Variants in STAG3 observed in about 807,000 individuals in gnomAD.
STAG3 encodes the protein STAG3 cohesin complex component, also known as cohesin subunit SA-3.
In STAG3, 101 loss-of-function variants were observed where a neutral mutation model predicts 160.7. That is an observed-to-expected ratio of 0.63 (90% confidence interval 0.54 to 0.74). The LOEUF is 0.74. Among genes scored for constraint, STAG3 ranks in the 30% least tolerant of loss-of-function variants. The pLI is 0.00. For synonymous variants in STAG3, 519 were observed against 585.0 expected, an observed-to-expected ratio of 0.89 and a Z score of 1.63; for missense variants, 1,188 against 1,517.4, an observed-to-expected ratio of 0.78 and a Z score of 3.61.
In STAG3 at chr7:100,200,065, C is replaced by CAAA. The variant is rs59199513; in HGVS notation, c.1678-156_1678-154dup. On this transcript the variant is annotated intron_variant, in intron 16 of 33. Coordinates refer to ENST00000615138, the MANE Select transcript of STAG3 (RefSeq NM_001282717.2). ...TGGGTGACAGAGCGAGACTCCGTCT[C>CAAA]AAAAAAAAAAAAAAAAAGGAGTTTC... 12,583 of 370,614 alleles carry CAAA rather than the reference C, an allele frequency of 0.034. 425 individuals are homozygous for CAAA. The highest frequency in any genetic ancestry group is 0.16 in the African/African-American group (4,992 of 30,944). 23.0% of individuals were successfully genotyped at this position (370,614 alleles called of 1,614,324 possible). A position where few individuals can be genotyped will look rare whatever the true frequency, so the allele number is the denominator to read the frequency against.
At chr7:100,218,464 G>A (rs1272049009), downstream of STAG3, 6 of 229,378 alleles carry the variant, frequency 2.6e-5, no homozygotes, top group Non-Finnish European at 5.2e-5. Flanking sequence ...TGGCACTGCT[G>A]GGCATTGTCT....
chr7:100,212,003 A>G, intron 32 of STAG3, 127 bp downstream of exon 32: 1 of 791,620 alleles, frequency 1.3e-6, no homozygotes, highest in Non-Finnish European at 2.0e-6. Context: ...ATCTAGAGTA[A>G]AGGAGGACAG....
chr7:100,188,852 GGAA>G lies in STAG3; in HGVS notation c.556_558del (p.Lys186del). On this transcript the variant is annotated inframe_deletion, in exon 7 of 34. Coordinates refer to ENST00000615138, the MANE Select transcript of STAG3 (RefSeq NM_001282717.2). ...CCTCTCATAGCTCCAGGTCCATCCTGGAAGAAGTTCCAGGGCAGCTTCTGTGAA... is the reference window on the plus strand; with the variant it reads ...CCTCTCATAGCTCCAGGTCCATCCTGGAAGTTCCAGGGCAGCTTCTGTGAA... 1.2e-6 allele frequency: 2 copies of G among 1,614,108 alleles called. No individual in the cohort carries two copies. Among genetic ancestry groups the G allele is most frequent in the East Asian group, 2.2e-5 (1 of 44,878 alleles).
downstream of STAG3, among the ~76,000 whole-genome samples, chr7:100,217,093 G>A (rs771778142): frequency 6.6e-6 from 1 of 152,152 alleles, no homozygotes; most frequent in Non-Finnish European, 1.5e-5. Flanking sequence ...GTATTCCAAG[G>A]GAATCATGAC....
At chr7:100,181,928 C>T (rs1799671107) in intron 2 of STAG3, among the ~76,000 whole-genome samples, 162 bp from the exon 3 acceptor site, 1 of 149,050 alleles carries the variant, frequency 6.7e-6, no homozygotes, top group Non-Finnish European at 1.5e-5. Flanking sequence ...AAGACTTTGT[C>T]CCAACTTCCT....
chr7:100,217,033 T>G (rs975358281), downstream of STAG3, among the ~76,000 whole-genome samples: 2 of 152,036 alleles, frequency 1.3e-5, no homozygotes, highest in African/African-American at 4.8e-5. Flanking sequence ...TGAGCTGCAG[T>G]GTGTGGTGAT....
At chr7:100,200,611 T>C in intron 18 of STAG3, 69 bp downstream of exon 18, 2 of 1,556,370 alleles carry the variant, frequency 1.3e-6, no homozygotes, top group East Asian at 2.3e-5. Flanking sequence ...TGCCAGTATC[T>C]TTTTTTCCTA....
In STAG3 at chr7:100,211,164, CAG is replaced by C; in HGVS notation, c.3395_3396del (p.Glu1132ValfsTer58). Reference sequence around the variant, plus strand: ...AAAGAGATGGAGGAAGAAGATGGCTCAGAGTTGGATTTTGCCCAGGGGTGAGG... The same window carrying C: ...AAAGAGATGGAGGAAGAAGATGGCTCAGTTGGATTTTGCCCAGGGGTGAGG... On this transcript the variant is annotated frameshift_variant, in exon 30 of 34. Transcript: ENST00000615138. LOFTEE classifies it high-confidence loss of function. 6.3e-7 allele frequency: 1 copy of C among 1,586,292 alleles called. No individual in the cohort carries two copies. Among genetic ancestry groups the C allele is most frequent in the Non-Finnish European group, 8.6e-7 (1 of 1,166,276 alleles).
chr7:100,190,764 A>G (rs1322488718), intron 8 of STAG3, among the ~76,000 whole-genome samples: 1 of 152,044 alleles, frequency 6.6e-6, no homozygotes, highest in South Asian at 2.1e-4. Flanking sequence ...CTTAATGTCC[A>G]ACTAACTGAA....
At position 100,199,380 on chromosome 7, in the gene STAG3, C is replaced by T. The variant is rs781564543; in HGVS notation, c.1573+13C>T. On this transcript the variant is annotated intron_variant, in intron 15 of 33. Transcript: ENST00000615138. ...GAGAAGGACCAGAGTACGTGTCACA[C>T]GGAGCCAGGGACAGGGACCTTCCAC... 22 of 1,609,042 alleles carry T rather than the reference C, an allele frequency of 1.4e-5. No homozygotes were observed. In the East Asian group the frequency reaches 1.6e-4, roughly 11 times the overall value.
intron 24 of STAG3, 43 bp downstream of exon 24, chr7:100,202,383 T>G: frequency 6.2e-7 from 1 of 1,610,282 alleles, no homozygotes; most frequent in Non-Finnish European, 8.5e-7. Flanking sequence ...GGCTGGGGCT[T>G]GGGTGTAGCT....
intron 1 of STAG3, among the ~76,000 whole-genome samples, chr7:100,179,519 C>A (rs980342345): frequency 6.6e-6 from 1 of 151,836 alleles, no homozygotes; most frequent in African/African-American, 2.4e-5. Flanking sequence ...TCTACCACAC[C>A]CAGTGTGCAA....
At chr7:100,203,185 CTTT>C (rs34123265) in intron 25 of STAG3, among the ~76,000 whole-genome samples, 5 of 141,202 alleles carry the variant, frequency 3.5e-5, no homozygotes, top group Admixed American at 7.1e-5. Flanking sequence ...CTTTTCTTTT[CTTT>C]TTTTTTTTTT....
rs1802565837 is a variant in STAG3, at chr7:100,214,206, C to T, written c.*191C>T. ...GGGTAGAGAAGCCGAGAGACCCTGT[C>T]CTCCCTAATGCACTGTGGCCCAGTC... On this transcript the variant is annotated 3_prime_UTR_variant, in exon 34 of 34. Transcript: ENST00000615138. 4.1e-6 allele frequency: 3 copies of T among 724,980 alleles called. No homozygotes were observed. The highest frequency in any genetic ancestry group is 1.8e-5 in the South Asian group (1 of 54,996). The allele number at this position is 724,980 out of a possible 1,614,324, so 44.9% of individuals were successfully genotyped here.
chr7:100,213,764 G>A lies in STAG3; in HGVS notation c.3630G>A (p.Glu1210=). Residue 1210 remains glutamate, a synonymous_variant, in exon 33 of 34, where the codon GAG becomes GAA. Coordinates refer to ENST00000615138, the MANE Select transcript of STAG3 (RefSeq NM_001282717.2). ...CAAGTAGCTACTCTTCCACCAGTGA[G>A]CGCGGGCTGGACCTCTTAGATTCTA... ...MQASSYSSTS[E]RGLDLLDSTE... 6.2e-7 allele frequency: 1 copy of A among 1,614,248 alleles called. No homozygotes were observed. The highest frequency in any genetic ancestry group is 8.5e-7 in the Non-Finnish European group (1 of 1,180,048).
chr7:100,191,123 T>TG (rs1195068441), intron 8 of STAG3, among the ~76,000 whole-genome samples: 1 of 152,132 alleles, frequency 6.6e-6, no homozygotes, highest in Non-Finnish European at 1.5e-5. Context: ...CTATGGACGT[T>TG]GCGGGGCTGT....
At chr7:100,210,887 C>G in intron 29 of STAG3, 124 bp from the exon 30 acceptor site, 2 of 1,006,204 alleles carry the variant, frequency 2.0e-6, no homozygotes, top group Non-Finnish European at 2.9e-6. Flanking sequence ...CAGAATGAAG[C>G]TGTATAAGTT....
intron 29 of STAG3, among the ~76,000 whole-genome samples, chr7:100,208,095 G>A (rs972798027): frequency 2.6e-5 from 4 of 151,828 alleles, no homozygotes; most frequent in Admixed American, 6.6e-5. Flanking sequence ...CAACCTGGGC[G>A]AAAGAGCGAG....
In STAG3 at chr7:100,198,545, G is replaced by T. The variant is rs1716809402; in HGVS notation, c.1315G>T (p.Gly439Cys). Reference protein sequence around the residue: ...VYPVVYASHRGLASAAGEFLY... With the variant: ...VYPVVYASHRCLASAAGEFLY... ...CCCAGTTGTGTATGCCTCTCATCGA[G>T]GCCTGGCCTCTGCCGCAGGCGAATT... The change falls in exon 13 of 34, where the codon GGC (glycine) becomes TGC (cysteine). Residue 439 changes from glycine (G) to cysteine (C), a missense_variant. Physicochemically the swap from Gly to Cys is radical, Grantham distance 159 (BLOSUM62 -3). Around this residue, in one of 4 missense-constraint regions of STAG3, gnomAD observed 240 missense variants for 358.1 expected, o/e 0.67. Coordinates refer to ENST00000615138, the MANE Select transcript of STAG3 (RefSeq NM_001282717.2). 6 of 1,614,118 alleles carry T rather than the reference G, an allele frequency of 3.7e-6. No individual in the cohort carries two copies. Among genetic ancestry groups the T allele is most frequent in the Non-Finnish European group, 5.1e-6 (6 of 1,180,038 alleles).
Sources: allele counts gnomAD v4.1 joint callset (sites outside exome capture counted in the v4.1 genomes callset), GRCh38; gene constraint gnomAD v4.1.1; regional missense constraint gnomAD v4.1.1; transcripts MANE v1.5; gene names NCBI Gene and HGNC (gene_info 2026-07-23, HGNC 2026-07-21).